ZNF385B: variants seen among roughly 807,000 people sequenced by gnomAD.
ZNF385B encodes the protein zinc finger protein 533.
A neutral mutation model predicts 39.2 loss-of-function variants in ZNF385B; 23 were observed. That is an observed-to-expected ratio of 0.59 (90% CI 0.42 to 0.83). The LOEUF (loss-of-function observed/expected upper bound fraction) is 0.83. Ranked by LOEUF, ZNF385B falls within the 40% of genes least tolerant of loss-of-function variation. The pLI is 0.00. For synonymous variants in ZNF385B, 205 were observed against 222.6 expected (o/e 0.92, Z 0.70); for missense variants, 552 against 598.9 (o/e 0.92, Z 0.82).
At chr2:179,616,611 G>T (rs1369000899) in intron 3 of ZNF385B, among the ~76,000 whole-genome samples, 1 of 152,122 alleles carries the variant, frequency 6.6e-6, no homozygotes, top group Admixed American at 6.5e-5. Flanking sequence ...CCAGGCTGGA[G>T]TGCAGTGGTG....
chr2:179,703,477 T>C (rs1699365213), intron 3 of ZNF385B, among the ~76,000 whole-genome samples: 1 of 152,212 alleles, frequency 6.6e-6, no homozygotes, highest in Non-Finnish European at 1.5e-5. Context: ...TTACCTTGTA[T>C]ATTGTCTGTC....
rs545765586 is a variant in ZNF385B at position 179,708,236 on chromosome 2, C to T, written c.298+61267G>A. Among the ~76,000 whole-genome samples, 28 of 152,284 alleles carry T rather than the reference C, an allele frequency of 1.8e-4. No homozygotes were observed. The East Asian group carries it at 3.7e-3, about 20-fold the overall frequency. ...TGGATCACAGGGGTGGTTTCCCCCA[C>T]GCTGTTCTCTTGATAGTGAGTGTTT... On this transcript the variant is annotated intron_variant, in intron 3 of 9. Coordinates refer to ENST00000410066, the MANE Select transcript of ZNF385B (RefSeq NM_152520.6).
intron 3 of ZNF385B, among the ~76,000 whole-genome samples, chr2:179,697,613 A>G (rs1046824925): frequency 1.3e-5 from 2 of 152,196 alleles, no homozygotes; most frequent in Non-Finnish European, 2.9e-5. Context: ...GGCTTTCTCC[A>G]CAGTCCAACT....
chr2:179,726,694 T>C (rs1964081), intron 3 of ZNF385B, among the ~76,000 whole-genome samples: 24,810 of 151,928 alleles, frequency 0.16, 2,467 homozygotes, highest in East Asian at 0.51. Context: ...ACACAAGTAG[T>C]CAAAAAATTG....
Position 179,650,683 on chromosome 2 carries a change from G to T in ZNF385B, c.299-105714C>A, listed in dbSNP as rs184539537. Among the ~76,000 whole-genome samples, 959 of 152,252 alleles carry T rather than the reference G, an allele frequency of 6.3e-3. 11 individuals are homozygous for T. The highest frequency in any genetic ancestry group is 0.021 in the African/African-American group (855 of 41,540). On this transcript the variant is annotated intron_variant, in intron 3 of 9. Coordinates refer to ENST00000410066, the MANE Select transcript of ZNF385B (RefSeq NM_152520.6). ...CAGTAACTCACATCTATTCCATACA[G>T]GATAGATATTTCATTGCCTTTATCA...
intron 3 of ZNF385B, among the ~76,000 whole-genome samples, chr2:179,762,787 T>A (rs1703477455): frequency 6.6e-6 from 1 of 152,234 alleles, no homozygotes; most frequent in African/African-American, 2.4e-5. Flanking sequence ...AAAAAATCCT[T>A]GGTAGAATTC....
intron 5 of ZNF385B, among the ~76,000 whole-genome samples, chr2:179,510,732 AT>A (rs1445539426): frequency 1.3e-5 from 2 of 152,124 alleles, no homozygotes; most frequent in Non-Finnish European, 2.9e-5. Context: ...CATTTGTTGC[AT>A]TTTTGTGCCA....
At chr2:179,446,804 T>C in intron 6 of ZNF385B, 34 bp from the exon 7 acceptor site, 2 of 1,552,450 alleles carry the variant, frequency 1.3e-6, no homozygotes, top group Non-Finnish European at 1.7e-6. Flanking sequence ...TATTGAAGCC[T>C]CATATATCAT....
chr2:179,847,694 A>G (rs2106624142), intron 1 of ZNF385B, among the ~76,000 whole-genome samples: 1 of 152,302 alleles, frequency 6.6e-6, no homozygotes, highest in South Asian at 2.1e-4. Flanking sequence ...GAGGGAGAGA[A>G]GCCATGGGAG....
chr2:179,630,888 G>A (rs556171200), intron 3 of ZNF385B, among the ~76,000 whole-genome samples: 1 of 152,280 alleles, frequency 6.6e-6, no homozygotes, highest in South Asian at 2.1e-4. Flanking sequence ...AGCTTCAATA[G>A]CTGATTTGAT....
chr2:179,561,118 A>G (rs1394143677), intron 3 of ZNF385B, among the ~76,000 whole-genome samples: 1 of 152,226 alleles, frequency 6.6e-6, no homozygotes, highest in African/African-American at 2.4e-5. Flanking sequence ...GCTTTTACAT[A>G]TATTAAGTAG....
rs5836680 is a variant in ZNF385B, at chr2:179,443,152, TG to T, written c.*97del. The T allele has an allele frequency of 0.76, 1,007,842 of 1,329,208 alleles. 384,148 individuals carry two copies. The highest frequency in any genetic ancestry group is 0.8 in the Middle Eastern group (3,146 of 3,948). The allele number at this position is 1,329,208 out of a possible 1,614,324, so 82.3% of individuals were successfully genotyped here. ...TGGTGGGCTGCATTTTGTGGGTGAATGGGGGGTACTGCAACACAAACTGCTT... is the reference window on the plus strand; with the variant it reads ...TGGTGGGCTGCATTTTGTGGGTGAATGGGGGTACTGCAACACAAACTGCTT... On this transcript the variant is annotated 3_prime_UTR_variant, in exon 10 of 10. Coordinates refer to ENST00000410066, the MANE Select transcript of ZNF385B (RefSeq NM_152520.6).
At chr2:179,526,645 C>T (rs2058922052) in intron 4 of ZNF385B, among the ~76,000 whole-genome samples, 1 of 151,986 alleles carries the variant, frequency 6.6e-6, no homozygotes, top group Admixed American at 6.6e-5. Flanking sequence ...TAGAACATTA[C>T]ACAGGGAGTG....
intron 3 of ZNF385B, among the ~76,000 whole-genome samples, chr2:179,746,924 T>G (rs1001426504): frequency 1.3e-5 from 2 of 152,130 alleles, no homozygotes; most frequent in African/African-American, 4.8e-5. Context: ...AATAAAATGT[T>G]TATTAAAAAT....
intron 3 of ZNF385B, among the ~76,000 whole-genome samples, chr2:179,767,808 G>A (rs1268748348): frequency 1.3e-5 from 2 of 151,382 alleles, no homozygotes; most frequent in Non-Finnish European, 2.9e-5. Context: ...TAATGACTAT[G>A]GTATTTATAG....
intron 3 of ZNF385B, chr2:179,585,960 C>T (rs34545498): frequency 0.07 from 10,607 of 152,270 alleles, 480 homozygotes; most frequent in Middle Eastern, 0.18. Flanking sequence ...CCTGTCATAG[C>T]GTCTCACAAA....
At chr2:179,564,597 CCTTT>C (rs1465639836) in intron 3 of ZNF385B, among the ~76,000 whole-genome samples, 2 of 152,134 alleles carry the variant, frequency 1.3e-5, no homozygotes, top group Non-Finnish European at 2.9e-5. Context: ...GCCTACCCTT[CCTTT>C]ATTTTTTACT....
intron 3 of ZNF385B, among the ~76,000 whole-genome samples, chr2:179,759,309 G>A (rs1703227594): frequency 6.6e-6 from 1 of 152,110 alleles, no homozygotes; most frequent in Non-Finnish European, 1.5e-5. Flanking sequence ...TGAGATGTCT[G>A]GAATTGATGC....
chr2:179,860,577 C>G (rs1684963718), intron 1 of ZNF385B, among the ~76,000 whole-genome samples: 1 of 152,160 alleles, frequency 6.6e-6, no homozygotes, highest in South Asian at 2.1e-4. Context: ...GGGACCTTCT[C>G]TCTGCTCCTC....
Sources: gnomAD v4.1 joint callset for allele counts (sites outside exome capture counted in the v4.1 genomes callset) on GRCh38, gnomAD v4.1.1 for gene constraint, MANE v1.5 for transcripts, NCBI Gene and HGNC (gene_info 2026-07-23, HGNC 2026-07-21) for gene names.